The following TBC1D8 variants were observed in gnomAD, a reference collection of about 807,000 sequenced individuals.
The protein encoded by TBC1D8 is BUB2-like protein 1.
Under a neutral mutation model 118.8 loss-of-function variants are expected in TBC1D8, and 65 were observed. That is an observed-to-expected ratio of 0.55 (90% CI 0.45 to 0.67). TBC1D8 has a LOEUF of 0.67. Ranked by LOEUF, TBC1D8 falls within the 30% of genes least tolerant of loss-of-function variation. TBC1D8 has a pLI of 0.00. For missense variants in TBC1D8, 1,376 were observed against 1,471.2 expected (o/e 0.94, Z 1.06); for synonymous variants, 566 against 595.8 (o/e 0.95, Z 0.73).
intron 6 of TBC1D8, among the ~76,000 whole-genome samples, 189 bp from the exon 7 acceptor site, chr2:101,038,844 C>T (rs533126775): frequency 1.3e-5 from 2 of 152,100 alleles, no homozygotes; most frequent in East Asian, 3.9e-4. Flanking sequence ...CATCAAGGGG[C>T]GACTGGATAG....
At chr2:101,124,503 GA>G (rs1306098409) in intron 1 of TBC1D8, among the ~76,000 whole-genome samples, 3 of 152,054 alleles carry the variant, frequency 2.0e-5, no homozygotes, top group Admixed American at 2.0e-4. Context: ...CCAATTTAAG[GA>G]AAAAAACCTG....
chr2:101,044,087 T>A (rs1681551067), intron 5 of TBC1D8, among the ~76,000 whole-genome samples: 1 of 152,346 alleles, frequency 6.6e-6, no homozygotes, highest in East Asian at 1.9e-4. Context: ...GCACACAGTC[T>A]CCATTCCCCT....
chr2:101,083,986 A>C (rs542993599), intron 2 of TBC1D8, among the ~76,000 whole-genome samples: 3 of 152,202 alleles, frequency 2.0e-5, no homozygotes, highest in Non-Finnish European at 4.4e-5. Flanking sequence ...ACCCAAGAAA[A>C]GTGCACTGAA....
intron 1 of TBC1D8, among the ~76,000 whole-genome samples, chr2:101,145,058 A>T (rs1325517480): frequency 1.3e-5 from 2 of 152,242 alleles, no homozygotes; most frequent in African/African-American, 4.8e-5. Context: ...ACAAGCTACC[A>T]GCCTCTCAAT....
intron 1 of TBC1D8, among the ~76,000 whole-genome samples, chr2:101,147,581 G>C (rs1314102390): frequency 6.6e-6 from 1 of 152,202 alleles, no homozygotes. Context: ...GTTTTGATGT[G>C]CCTTTCCCTG....
chr2:101,074,504 T>G (rs1196770531), intron 2 of TBC1D8, among the ~76,000 whole-genome samples: 1 of 152,214 alleles, frequency 6.6e-6, no homozygotes, highest in Non-Finnish European at 1.5e-5. Context: ...AAACCTTCAA[T>G]TTGAAAAACA....
chr2:101,105,343 A>G (rs1368095086), intron 1 of TBC1D8, among the ~76,000 whole-genome samples: 1 of 152,148 alleles, frequency 6.6e-6, no homozygotes. Flanking sequence ...TAGATATCTC[A>G]CCACAGAAGA....
rs187787885 is a variant in TBC1D8 at position 101,107,490 on chromosome 2, C to G, written c.128-17126G>C. 2.4e-4 allele frequency among the ~76,000 whole-genome samples: 36 copies of G among 152,048 alleles called. 1 individual carries two copies. The East Asian group carries it at 6.6e-3, about 28-fold the overall frequency. On this transcript the variant is annotated intron_variant, in intron 1 of 19. Transcript: ENST00000409318. Reference sequence around the variant, plus strand: ...GATATATATCCTAGAGGTTCTGTCTCCCTGGAGAATCCTAATACAGTTGCA... The same window carrying G: ...GATATATATCCTAGAGGTTCTGTCTGCCTGGAGAATCCTAATACAGTTGCA...
At chr2:101,112,441 GC>G (rs1403732734) in intron 1 of TBC1D8, among the ~76,000 whole-genome samples, 1 of 152,196 alleles carries the variant, frequency 6.6e-6, no homozygotes. Flanking sequence ...AAAATGAAAG[GC>G]CAGGGCCATA....
At position 101,036,170 on chromosome 2, in the gene TBC1D8, TG is replaced by T. The variant is rs751072814; in HGVS notation, c.1453-3del. The T allele has an allele frequency of 5.0e-6, 8 of 1,612,682 alleles. No homozygotes were observed. Among genetic ancestry groups the T allele is most frequent in the Non-Finnish European group, 6.8e-6 (8 of 1,178,818 alleles). On this transcript the variant is annotated splice_region_variant and splice_polypyrimidine_tract_variant and intron_variant, in intron 8 of 19. Coordinates refer to ENST00000409318, the MANE Select transcript of TBC1D8 (RefSeq NM_001330348.2). ...GCTTATTTTTATCTGTTCTCTGGAC[TG>T]GAAATGGGAATATTCTTAATGTACA... is the stretch of plus-strand genomic sequence containing the variant.
chr2:101,008,811 T>TA (rs34291098), intron 19 of TBC1D8, among the ~76,000 whole-genome samples: 32,146 of 145,658 alleles, frequency 0.22, 3,463 homozygotes, highest in Middle Eastern at 0.34. Flanking sequence ...AACTTTGTCT[T>TA]AAAAAAAAAA....
intron 1 of TBC1D8, among the ~76,000 whole-genome samples, chr2:101,140,378 C>A (rs778346440): frequency 6.6e-6 from 1 of 152,150 alleles, no homozygotes; most frequent in Non-Finnish European, 1.5e-5. Flanking sequence ...ACACACCCCA[C>A]GCATGCTAGA....
Position 101,008,138 on chromosome 2 carries a change from T to C in TBC1D8, c.3151A>G (p.Ser1051Gly). ...QIGEVGQRGS[S>G]SGSCSQECGE... ...CACTCCTGGGAGCAGCTTCCAGAGCTGCTGCCTCGCTGCCCCACCTCCCCG... is the reference window on the plus strand; with the variant it reads ...CACTCCTGGGAGCAGCTTCCAGAGCCGCTGCCTCGCTGCCCCACCTCCCCG... The change falls in exon 20 of 20, where the codon AGC becomes GGC. Residue 1051 changes from serine (S) to glycine (G), a missense_variant. Ser to Gly is a moderately conservative substitution (Grantham distance 56). Transcript: ENST00000409318. 6.2e-7 allele frequency: 1 copy of C among 1,613,874 alleles called. No homozygotes were observed. The highest frequency in any genetic ancestry group is 8.5e-7 in the Non-Finnish European group (1 of 1,179,800).
chr2:101,111,520 GC>G (rs1462269274), intron 1 of TBC1D8, among the ~76,000 whole-genome samples: 1 of 152,182 alleles, frequency 6.6e-6, no homozygotes, highest in Non-Finnish European at 1.5e-5. Context: ...AGGGATGCTG[GC>G]CCTCGTTCTC....
intron 1 of TBC1D8, among the ~76,000 whole-genome samples, chr2:101,118,906 G>C (rs1391322666): frequency 6.6e-6 from 1 of 152,020 alleles, no homozygotes; most frequent in African/African-American, 2.4e-5. Context: ...AGCTACTTGG[G>C]AGGCTGAGGT....
intron 1 of TBC1D8, among the ~76,000 whole-genome samples, chr2:101,104,685 C>A (rs1306184266): frequency 6.6e-6 from 1 of 152,154 alleles, no homozygotes; most frequent in Non-Finnish European, 1.5e-5. Flanking sequence ...TTCAAAATGG[C>A]TCATAAACCT....
intron 9 of TBC1D8, among the ~76,000 whole-genome samples, chr2:101,035,266 C>G (rs967388056): frequency 5.9e-5 from 9 of 152,174 alleles, no homozygotes; most frequent in Non-Finnish European, 1.3e-4. Flanking sequence ...AAGGCACACT[C>G]CAATGGCAGG....
intron 15 of TBC1D8, among the ~76,000 whole-genome samples, chr2:101,025,364 T>A (rs553509688): frequency 1.3e-5 from 2 of 152,140 alleles, no homozygotes; most frequent in Non-Finnish European, 2.9e-5. Flanking sequence ...GTAGCTGGGA[T>A]TACAGGAGTG....
intron 1 of TBC1D8, among the ~76,000 whole-genome samples, chr2:101,112,823 A>G (rs1677664818): frequency 6.6e-6 from 1 of 152,184 alleles, no homozygotes; most frequent in Non-Finnish European, 1.5e-5. Context: ...GAAGACTAGA[A>G]CAATATGACA....
Sources: allele counts gnomAD v4.1 joint callset (sites outside exome capture counted in the v4.1 genomes callset), GRCh38; gene constraint gnomAD v4.1.1; transcripts MANE v1.5; gene names NCBI Gene and HGNC (gene_info 2026-07-23, HGNC 2026-07-21).